SRGAP1: variants seen among roughly 807,000 people sequenced by gnomAD.
SRGAP1 encodes SLIT-ROBO Rho GTPase activating protein 1.
SRGAP1 carries 43 observed loss-of-function variants against 121.9 expected under a neutral mutation model. The observed-to-expected ratio is 0.35, with a 90% CI of 0.28 to 0.46. The LOEUF is 0.46. SRGAP1 is among the 20% of genes least tolerant of loss of function. The pLI is 1.00. For missense variants in SRGAP1, 1,102 were observed against 1,350.9 expected, an observed-to-expected ratio of 0.82 and a Z score of 2.89; for synonymous variants, 447 against 485.4, an observed-to-expected ratio of 0.92 and a Z score of 1.04.
At chr12:63,998,384 GAGAA>G (rs1447604497) in intron 3 of SRGAP1, among the ~76,000 whole-genome samples, 1 of 152,184 alleles carries the variant, frequency 6.6e-6, no homozygotes, top group Non-Finnish European at 1.5e-5. Context: ...TACTTCCTGA[GAGAA>G]AGAAATCAGA....
intron 1 of SRGAP1, among the ~76,000 whole-genome samples, chr12:63,947,327 C>G (rs542090049): frequency 6.6e-6 from 1 of 152,288 alleles, no homozygotes; most frequent in East Asian, 1.9e-4. Context: ...TTTAGGCAAT[C>G]TAGTGACTGT....
chr12:64,095,569 G>A (rs1431677474), intron 14 of SRGAP1, among the ~76,000 whole-genome samples: 6 of 151,970 alleles, frequency 3.9e-5, no homozygotes, highest in South Asian at 2.1e-4. Flanking sequence ...TCCCTTTGTC[G>A]GGAGCTCTTC....
intron 4 of SRGAP1, among the ~76,000 whole-genome samples, chr12:64,041,750 A>G (rs1380652335): frequency 2.0e-5 from 3 of 151,938 alleles, no homozygotes; most frequent in Non-Finnish European, 4.4e-5. Context: ...TTTTAAAGGA[A>G]GAAATGTGTG....
intron 6 of SRGAP1, among the ~76,000 whole-genome samples, chr12:64,047,465 T>G (rs1367251671): frequency 1.3e-5 from 2 of 152,162 alleles, no homozygotes; most frequent in Non-Finnish European, 2.9e-5. Flanking sequence ...CTGAGCTATC[T>G]AATAATAATG....
intron 1 of SRGAP1, among the ~76,000 whole-genome samples, chr12:63,870,835 A>G (rs946053403): frequency 6.6e-6 from 1 of 152,154 alleles, no homozygotes; most frequent in African/African-American, 2.4e-5. Flanking sequence ...AATGTGTCCC[A>G]AAGTGCTGGG....
At chr12:64,065,637 C>T (rs115818524) in intron 8 of SRGAP1, among the ~76,000 whole-genome samples, 1,597 of 152,256 alleles carry the variant, frequency 0.01, 23 homozygotes, top group African/African-American at 0.036. Flanking sequence ...CTCAAACTGC[C>T]GGCTTCAAGC....
chr12:63,988,019 G>T (rs901677842), intron 2 of SRGAP1, among the ~76,000 whole-genome samples: 7 of 152,266 alleles, frequency 4.6e-5, no homozygotes, highest in Admixed American at 3.9e-4. Context: ...GCTAGTAAGG[G>T]GTAGTCCTGC....
intron 1 of SRGAP1, among the ~76,000 whole-genome samples, chr12:63,950,927 T>C (rs1448470394): frequency 1.4e-5 from 2 of 142,448 alleles, no homozygotes; most frequent in Non-Finnish European, 3.1e-5. Context: ...TTGCCCCACA[T>C]TAGTGTTTTC....
chr12:64,060,197 C>T (rs1593088219), intron 6 of SRGAP1, among the ~76,000 whole-genome samples: 8 of 136,462 alleles, frequency 5.9e-5, no homozygotes, highest in African/African-American at 1.5e-4. Context: ...TCCTTTCTTT[C>T]TTTTTTTCTT....
At chr12:64,131,458 G>A (rs564237736) in intron 21 of SRGAP1, among the ~76,000 whole-genome samples, 235 of 152,206 alleles carry the variant, frequency 1.5e-3, no homozygotes, top group Non-Finnish European at 3.0e-3. Flanking sequence ...TCTGCCCACT[G>A]GGAAAGATTC....
chr12:63,914,479 T>C (rs1051448709), intron 1 of SRGAP1, among the ~76,000 whole-genome samples: 1 of 152,238 alleles, frequency 6.6e-6, no homozygotes, highest in Non-Finnish European at 1.5e-5. Flanking sequence ...TATCTACTAC[T>C]ACAATTTAAT....
intron 8 of SRGAP1, among the ~76,000 whole-genome samples, chr12:64,069,864 T>C (rs2035608892): frequency 1.3e-5 from 2 of 152,128 alleles, no homozygotes; most frequent in Admixed American, 1.3e-4. Flanking sequence ...TCAATTATTG[T>C]TCATGAATTT....
At chr12:63,918,830 G>T (rs12422918) in intron 1 of SRGAP1, among the ~76,000 whole-genome samples, 16,488 of 152,068 alleles carry the variant, frequency 0.11, 1,197 homozygotes, top group South Asian at 0.18. Flanking sequence ...GAAATACTGT[G>T]GTGAACAAGA....
intron 1 of SRGAP1, among the ~76,000 whole-genome samples, chr12:63,859,920 T>C (rs933774320): frequency 2.6e-5 from 4 of 152,242 alleles, no homozygotes; most frequent in African/African-American, 9.6e-5. Context: ...AGTTTTGATA[T>C]GTAAAGAATT....
intron 1 of SRGAP1, among the ~76,000 whole-genome samples, chr12:63,963,731 T>C (rs1302977043): frequency 6.6e-6 from 1 of 152,188 alleles, no homozygotes; most frequent in East Asian, 1.9e-4. Context: ...ACCACTATTT[T>C]CTTTACTTCT....
chr12:63,881,318 G>A (rs1900187911), intron 1 of SRGAP1, among the ~76,000 whole-genome samples: 1 of 152,222 alleles, frequency 6.6e-6, no homozygotes, highest in Admixed American at 6.5e-5. Flanking sequence ...CACTGGGATA[G>A]CAAAGGCTAT....
intron 1 of SRGAP1, among the ~76,000 whole-genome samples, chr12:63,853,502 T>G (rs2136256599): frequency 6.6e-6 from 1 of 152,324 alleles, no homozygotes; most frequent in African/African-American, 2.4e-5. Context: ...TTGAAGAACA[T>G]TTTATGATGT....
chr12:63,977,957 T>G (rs1379106584), intron 1 of SRGAP1, among the ~76,000 whole-genome samples: 3 of 152,214 alleles, frequency 2.0e-5, no homozygotes, highest in Non-Finnish European at 4.4e-5. Context: ...TATGCAGTTT[T>G]GGGGCATTCA....
chr12:63,867,127 A>T (rs1899665525), intron 1 of SRGAP1, among the ~76,000 whole-genome samples: 2 of 152,230 alleles, frequency 1.3e-5, no homozygotes, highest in Non-Finnish European at 2.9e-5. Context: ...CTGGGATTAC[A>T]AGTGTGAGCC....
Sources: gnomAD v4.1 joint callset for allele counts (sites outside exome capture counted in the v4.1 genomes callset) on GRCh38, gnomAD v4.1.1 for gene constraint, MANE v1.5 for transcripts, NCBI Gene and HGNC (gene_info 2026-07-23, HGNC 2026-07-21) for gene names.